Variants in TENM4 observed in about 807,000 individuals in gnomAD.
The protein encoded by TENM4 is teneurin transmembrane protein 4.
Under a neutral mutation model 243.3 loss-of-function variants are expected in TENM4, and 82 were observed. That is an observed-to-expected ratio of 0.34 (90% confidence interval 0.28 to 0.40). The LOEUF (loss-of-function observed/expected upper bound fraction) is 0.40, where lower values mean the gene tolerates loss of function less well. Ranked by LOEUF, TENM4 falls within the 10% of genes least tolerant of loss-of-function variation. The pLI, the probability that TENM4 is intolerant of heterozygous loss-of-function variation, is 1.00. For missense variants in TENM4, 3,138 were observed against 3,673.3 expected (o/e 0.85, Z 3.77); for synonymous variants, 1,412 against 1,456.3 (o/e 0.97, Z 0.69).
intron 17 of TENM4, among the ~76,000 whole-genome samples, chr11:78,774,218 A>G (rs1856698260): frequency 6.6e-6 from 1 of 152,108 alleles, no homozygotes; most frequent in South Asian, 2.1e-4. Flanking sequence ...GAGAGCTGTT[A>G]TTATTATTAT....
intron 1 of TENM4, among the ~76,000 whole-genome samples, chr11:79,370,322 T>G (rs1357331406): frequency 1.3e-5 from 2 of 152,176 alleles, no homozygotes; most frequent in Non-Finnish European, 2.9e-5. Context: ...ACTTCACAGG[T>G]GCCTCTGTGC....
intron 4 of TENM4, among the ~76,000 whole-genome samples, chr11:79,103,881 G>A (rs571666544): frequency 1.3e-5 from 2 of 152,218 alleles, no homozygotes; most frequent in East Asian, 3.9e-4. Context: ...GGATTCAGAT[G>A]GGTCCTATGG....
At chr11:79,058,952 ATATTCT>A (rs1405340098) in intron 6 of TENM4, among the ~76,000 whole-genome samples, 1 of 152,158 alleles carries the variant, frequency 6.6e-6, no homozygotes, top group Non-Finnish European at 1.5e-5. Context: ...TTAATGATAG[ATATTCT>A]TATAGATTTT....
At chr11:78,836,589 T>C (rs1055594590) in intron 12 of TENM4, among the ~76,000 whole-genome samples, 2 of 152,206 alleles carry the variant, frequency 1.3e-5, no homozygotes, top group African/African-American at 4.8e-5. Flanking sequence ...AGAAAATTCT[T>C]GTCTGTTTTG....
rs182943027 is a variant in TENM4 at position 78,869,743 on chromosome 11, C to T, written c.1085-6611G>A. Among the ~76,000 whole-genome samples the T allele has an allele frequency of 3.5e-3, 532 of 152,272 alleles. 13 individuals carry two copies. The highest frequency in any genetic ancestry group is 5.6e-4 in the Non-Finnish European group (38 of 68,014). On this transcript the variant is annotated intron_variant, in intron 9 of 33. Coordinates refer to ENST00000278550, the MANE Select transcript of TENM4 (RefSeq NM_001098816.3). Reference sequence around the variant, plus strand: ...ATCTAAAAACAGATCTGAATGGTTCCAAAGCCCAGGTTCCCCTCCTGGCAC... The same window carrying T: ...ATCTAAAAACAGATCTGAATGGTTCTAAAGCCCAGGTTCCCCTCCTGGCAC...
At chr11:78,977,176 A>G (rs568904918) in intron 6 of TENM4, among the ~76,000 whole-genome samples, 2 of 152,242 alleles carry the variant, frequency 1.3e-5, no homozygotes, top group African/African-American at 4.8e-5. Flanking sequence ...TGCCTTTATC[A>G]TCACATGTGT....
In TENM4 at chr11:78,658,474, G is replaced by A; in HGVS notation, c.7894C>T (p.Leu2632=). 2.5e-6 allele frequency: 4 copies of A among 1,614,052 alleles called. No homozygotes were observed. Among genetic ancestry groups the A allele is most frequent in the Non-Finnish European group, 3.4e-6 (4 of 1,179,896 alleles). ...PGPSEGDLAI[L]GLSGGRRTLE... is the part of the protein sequence containing the mutation. ...GTTCGCCGCCCCCCACTGAGGCCCA[G>A]GATGGCCAGGTCACCTTCTGAAGGT... Residue 2632 remains leucine (L), a synonymous_variant, in exon 34 of 34, where the codon CTG becomes TTG. Transcript: ENST00000278550.
chr11:78,686,330 A>G (rs1307465354), intron 29 of TENM4, among the ~76,000 whole-genome samples: 2 of 152,116 alleles, frequency 1.3e-5, no homozygotes, highest in Non-Finnish European at 1.5e-5. Flanking sequence ...CACGCCCCTT[A>G]CCCTATATCT....
intron 1 of TENM4, among the ~76,000 whole-genome samples, chr11:79,347,530 C>A (rs1857344689): frequency 6.6e-6 from 1 of 152,112 alleles, no homozygotes; most frequent in Non-Finnish European, 1.5e-5. Context: ...CTCAGTGCCT[C>A]CCCAGGGAGG....
At chr11:78,994,402 A>G (rs964657921) in intron 6 of TENM4, among the ~76,000 whole-genome samples, 9 of 152,178 alleles carry the variant, frequency 5.9e-5, no homozygotes, top group African/African-American at 2.2e-4. Flanking sequence ...CTATCCTACA[A>G]ATTCCAGATT....
chr11:79,161,708 G>A (rs1050667760), intron 3 of TENM4, among the ~76,000 whole-genome samples: 1 of 152,232 alleles, frequency 6.6e-6, no homozygotes, highest in African/African-American at 2.4e-5. Context: ...GATAGCATAT[G>A]TTTCTGTTGT....
intron 1 of TENM4, among the ~76,000 whole-genome samples, chr11:79,395,117 C>G (rs1045863972): frequency 6.6e-6 from 1 of 152,210 alleles, no homozygotes; most frequent in African/African-American, 2.4e-5. Context: ...ATATGCCAAT[C>G]AAGACAGGGA....
At chr11:79,099,886 G>A (rs1346502872) in intron 4 of TENM4, among the ~76,000 whole-genome samples, 1 of 152,208 alleles carries the variant, frequency 6.6e-6, no homozygotes, top group Admixed American at 6.5e-5. Flanking sequence ...GCCCATGGGG[G>A]TTTTAACAGC....
intron 31 of TENM4, 58 bp from the exon 32 acceptor site, chr11:78,670,609 C>A: frequency 4.1e-6 from 6 of 1,476,276 alleles, no homozygotes; most frequent in African/African-American, 1.4e-5. Flanking sequence ...AAGGGTAGGT[C>A]TACATACCCG....
At chr11:79,006,893 T>C (rs1858499049) in intron 6 of TENM4, among the ~76,000 whole-genome samples, 1 of 152,220 alleles carries the variant, frequency 6.6e-6, no homozygotes, top group South Asian at 2.1e-4. Context: ...AAGGTGTTTT[T>C]GAACAAGAAT....
chr11:79,048,909 G>A (rs1056451125), intron 6 of TENM4, among the ~76,000 whole-genome samples: 4 of 152,102 alleles, frequency 2.6e-5, no homozygotes, highest in East Asian at 1.9e-4. Flanking sequence ...TCCCTTGGTC[G>A]GTGCTTAGAA....
chr11:79,336,325 C>A (rs1481563247), intron 1 of TENM4, among the ~76,000 whole-genome samples: 1 of 152,142 alleles, frequency 6.6e-6, no homozygotes, highest in Non-Finnish European at 1.5e-5. Flanking sequence ...AGGCCTCTAG[C>A]TTCTGATCGG....
intron 6 of TENM4, among the ~76,000 whole-genome samples, chr11:79,040,440 C>T (rs1189245119): frequency 6.6e-6 from 1 of 152,222 alleles, no homozygotes; most frequent in Non-Finnish European, 1.5e-5. Flanking sequence ...CCTTTCTGTG[C>T]CAGCCCAGCA....
At chr11:79,283,726 A>G (rs1856200171) in intron 2 of TENM4, among the ~76,000 whole-genome samples, 2 of 152,180 alleles carry the variant, frequency 1.3e-5, no homozygotes, top group Non-Finnish European at 2.9e-5. Flanking sequence ...TAGTTAACAA[A>G]AAGAAATAAA....
Sources: gnomAD v4.1 joint callset for allele counts (sites outside exome capture counted in the v4.1 genomes callset) on GRCh38, gnomAD v4.1.1 for gene constraint, MANE v1.5 for transcripts, NCBI Gene and HGNC (gene_info 2026-07-23, HGNC 2026-07-21) for gene names.